The following MYO18A variants were observed in gnomAD, a reference collection of about 807,000 sequenced individuals.
MYO18A encodes the protein myosin XVIIIA, also known as unconventional myosin-XVIIIa.
Under a neutral mutation model 235.8 loss-of-function variants are expected in MYO18A, and 78 were observed. The ratio of observed to expected loss-of-function variants is 0.33; its 90% CI spans 0.28 to 0.40. The LOEUF is 0.40. Among genes scored for constraint, MYO18A ranks in the 10% least tolerant of loss-of-function variants. MYO18A has a pLI of 1.00. For missense variants in MYO18A, 2,215 were observed against 2,699.3 expected (o/e 0.82, Z 3.98); for synonymous variants, 977 against 1,077.8 (o/e 0.91, Z 1.83).
chr17:29,134,957 G>A (rs1002613414), intron 2 of MYO18A, among the ~76,000 whole-genome samples: 27 of 152,182 alleles, frequency 1.8e-4, no homozygotes, highest in Admixed American at 1.7e-3. Flanking sequence ...CAAGAGGCCC[G>A]GAGAACTGCA....
At chr17:29,113,759 AC>A (rs1465200162) in intron 15 of MYO18A, among the ~76,000 whole-genome samples, 1 of 152,050 alleles carries the variant, frequency 6.6e-6, no homozygotes, top group African/African-American at 2.4e-5. Context: ...CCTGACTGGG[AC>A]CCCCATGGGC....
chr17:29,139,306 A>G (rs1330431856), intron 2 of MYO18A, among the ~76,000 whole-genome samples: 1 of 152,136 alleles, frequency 6.6e-6, no homozygotes, highest in African/African-American at 2.4e-5. Context: ...CTGCTTGGAT[A>G]TCACTGTGCA....
intron 40 of MYO18A, among the ~76,000 whole-genome samples, chr17:29,084,612 G>C (rs1223519816): frequency 6.6e-6 from 1 of 152,160 alleles, no homozygotes; most frequent in Non-Finnish European, 1.5e-5. Flanking sequence ...CAAACAAACG[G>C]AGACAGAACG....
intron 30 of MYO18A, 55 bp from the exon 31 acceptor site, chr17:29,094,145 TC>T: frequency 7.6e-7 from 1 of 1,309,418 alleles, no homozygotes; most frequent in Non-Finnish European, 1.1e-6. Flanking sequence ...GCCACCCCCT[TC>T]CCACCTGTGC....
intron 1 of MYO18A, 37 bp from the exon 2 acceptor site, chr17:29,167,058 AAC>A: frequency 7.2e-7 from 1 of 1,392,442 alleles, no homozygotes; most frequent in Non-Finnish European, 9.4e-7. Flanking sequence ...AGGTTATTCG[AAC>A]AGAGCCTCAT....
In MYO18A at chr17:29,117,613, C is replaced by T. The variant is rs565796996; in HGVS notation, c.2038+432G>A. ...TCTGCAGCAACAGAACAAGCCCAGC[C>T]CCTAGAAAGTCCTGGGCAAGCACCA... On this transcript the variant is annotated intron_variant, in intron 10 of 41. Transcript: ENST00000527372. The surrounding 1 kb of genome is among the most constrained non-coding windows in gnomAD (Gnocchi z 4.6). Among the ~76,000 whole-genome samples the T allele has an allele frequency of 2.0e-5, 3 of 152,310 alleles. No homozygotes were observed. The South Asian group carries it at 6.2e-4, about 32-fold the overall frequency.
At chr17:29,091,646 A>G (rs753723350) in intron 34 of MYO18A, 2 of 455,228 alleles carry the variant, frequency 4.4e-6, no homozygotes, top group South Asian at 3.1e-5. Flanking sequence ...ACTGCTGAGG[A>G]GCACAAATGT....
At chr17:29,151,112 G>C (rs996029205) in intron 2 of MYO18A, among the ~76,000 whole-genome samples, 1 of 152,064 alleles carries the variant, frequency 6.6e-6, no homozygotes, top group African/African-American at 2.4e-5. Context: ...AATTAGCCAA[G>C]TGTGGTCCCA....
At position 29,126,067 on chromosome 17, in the gene MYO18A, G is replaced by T; in HGVS notation, c.1000-3814C>A. On this transcript the variant is annotated intron_variant, in intron 2 of 41. Coordinates refer to ENST00000527372, the MANE Select transcript of MYO18A (RefSeq NM_078471.4). The surrounding 1 kb of genome is among the most constrained non-coding windows in gnomAD (Gnocchi z 4.1). ...GCCACTGGGACCCACTAGGGAAGGG[G>T]AGCAGCGCCAGGGAGCAAGCCGCGC... The T allele has an allele frequency of 1.7e-6, 1 of 593,268 alleles. No homozygotes were observed. The highest frequency in any genetic ancestry group is 2.0e-5 in the African/African-American group (1 of 49,990). 36.8% of individuals were successfully genotyped at this position (593,268 alleles called of 1,614,324 possible). A position where few individuals can be genotyped will look rare whatever the true frequency, so the allele number is the denominator to read the frequency against.
chr17:29,137,661 A>G (rs1323992227), intron 2 of MYO18A, among the ~76,000 whole-genome samples: 1 of 152,240 alleles, frequency 6.6e-6, no homozygotes, highest in Non-Finnish European at 1.5e-5. Flanking sequence ...GAAAGAGCCC[A>G]AATGCCTAGA....
chr17:29,080,169 G>C, intron 41 of MYO18A: 1 of 986,042 alleles, frequency 1.0e-6, no homozygotes, highest in Non-Finnish European at 1.2e-6. Flanking sequence ...GGGCGCTCCG[G>C]GCACTTTGGA....
chr17:29,102,937 G>A (rs1317388352), intron 21 of MYO18A, among the ~76,000 whole-genome samples: 2 of 152,010 alleles, frequency 1.3e-5, no homozygotes, highest in African/African-American at 4.8e-5. Flanking sequence ...CTGGCCCTGG[G>A]GCACACATGC....
rs1399496002 is a variant in MYO18A at position 29,166,931 on chromosome 17, G to C, written c.10C>G (p.Leu4Val). MFN[L>V]MKKDKDKDGG... ...TCTTTGTCCTTGTCTTTCTTCATTA[G>C]GTTAAACATGGTGGGGGTGCTGTTT... The change falls in exon 2 of 42, where the codon CTA becomes GTA. Residue 4 changes from leucine to valine, a missense_variant. Coordinates refer to ENST00000527372, the MANE Select transcript of MYO18A (RefSeq NM_078471.4). 5 of 1,538,728 alleles carry C rather than the reference G, an allele frequency of 3.2e-6. No individual in the cohort carries two copies. In the African/African-American group the frequency reaches 5.5e-5, roughly 17 times the overall value.
chr17:29,099,445 C>T (rs1051284829), intron 22 of MYO18A, among the ~76,000 whole-genome samples, 189 bp downstream of exon 22: 1 of 152,176 alleles, frequency 6.6e-6, no homozygotes, highest in Non-Finnish European at 1.5e-5. Flanking sequence ...CAAAGCCCTC[C>T]AACCAGGCCC....
At chr17:29,096,733 C>T in intron 28 of MYO18A, 28 bp downstream of exon 28, 1 of 1,561,752 alleles carries the variant, frequency 6.4e-7, no homozygotes, top group South Asian at 1.2e-5. Flanking sequence ...AGAAGGTTCT[C>T]TGGGCCCAGG....
chr17:29,118,511 G>A lies in MYO18A; in HGVS notation c.1830-71C>T. ...CAAGGCCATTTCCGCCCAGGGTGGAGACAGACAGACTCAGCTTCCAGACTC... is the reference window on the plus strand; with the variant it reads ...CAAGGCCATTTCCGCCCAGGGTGGAAACAGACAGACTCAGCTTCCAGACTC... On this transcript the variant is annotated intron_variant, in intron 8 of 41. Transcript: ENST00000527372. The surrounding 1 kb of genome is among the most constrained non-coding windows in gnomAD (Gnocchi z 4.2). 1 of 1,382,306 alleles carries A rather than the reference G, an allele frequency of 7.2e-7. No homozygotes were observed. The highest frequency in any genetic ancestry group is 2.4e-5 in the East Asian group (1 of 41,212). 85.6% of individuals were successfully genotyped at this position (1,382,306 alleles called of 1,614,324 possible). A position where few individuals can be genotyped will look rare whatever the true frequency, so the allele number is the denominator to read the frequency against.
intron 2 of MYO18A, among the ~76,000 whole-genome samples, chr17:29,164,764 C>T (rs2152974510): frequency 6.6e-6 from 1 of 152,310 alleles, no homozygotes. Flanking sequence ...TATCAAAAGA[C>T]CCCTGGGATT....
rs369827115 is a variant in MYO18A at position 29,121,042 on chromosome 17, T to C, written c.1541A>G (p.Tyr514Cys). Reference protein sequence around the residue: ...KTTSCQHLVQYLATIAGISGN... With the variant: ...KTTSCQHLVQCLATIAGISGN... ...GCTGATGCCCGCGATGGTGGCCAGG[T>C]ACTGCACCAGATGCTGGCAGCTGGT... is the stretch of plus-strand genomic sequence containing the variant. Residue 514 changes from tyrosine (Y) to cysteine (C), a missense_variant, in exon 6 of 42, where the codon TAC becomes TGC. Tyr to Cys is a radical substitution (Grantham distance 194). Coordinates refer to ENST00000527372, the MANE Select transcript of MYO18A (RefSeq NM_078471.4). This position sits in a 1 kb window ranked among gnomAD's most constrained non-coding sequence, Gnocchi z 4.2. The C allele has an allele frequency of 6.2e-7, 1 of 1,612,894 alleles. No individual in the cohort carries two copies. Among genetic ancestry groups the C allele is most frequent in the Non-Finnish European group, 8.5e-7 (1 of 1,179,578 alleles).
chr17:29,128,138 G>C (rs1598350098), intron 2 of MYO18A: 1 of 1,107,424 alleles, frequency 9.0e-7, no homozygotes, highest in African/African-American at 1.7e-5. Flanking sequence ...CAGGCCCAGG[G>C]AGAGCTCATC....
Sources: gnomAD v4.1 joint callset for allele counts (sites outside exome capture counted in the v4.1 genomes callset) on GRCh38, gnomAD v4.1.1 for gene constraint, Gnocchi (gnomAD v3.1) non-coding constraint, MANE v1.5 for transcripts, NCBI Gene and HGNC (gene_info 2026-07-23, HGNC 2026-07-21) for gene names.